The following MAP3K13 variants were observed in gnomAD, a reference collection of about 807,000 sequenced individuals.
The protein encoded by MAP3K13 is leucine zipper-bearing kinase.
In MAP3K13, 52 loss-of-function variants were observed where a neutral mutation model predicts 104.0. The ratio of observed to expected loss-of-function variants is 0.50; its 90% CI spans 0.40 to 0.63. MAP3K13 has a LOEUF of 0.63. MAP3K13 is among the 20% of genes least tolerant of loss of function. The pLI, the probability that MAP3K13 is intolerant of heterozygous loss-of-function variation, is 0.00. For missense variants in MAP3K13, 914 were observed against 1,218.5 expected (o/e 0.75, Z 3.72); for synonymous variants, 394 against 442.2 (o/e 0.89, Z 1.37).
intron 1 of MAP3K13, among the ~76,000 whole-genome samples, chr3:185,399,007 A>G (rs1031831240): frequency 2.6e-5 from 4 of 152,190 alleles, no homozygotes; most frequent in Admixed American, 2.0e-4. Flanking sequence ...AGCTAATGGG[A>G]ATATGGATTT....
intron 7 of MAP3K13, among the ~76,000 whole-genome samples, chr3:185,456,068 C>A (rs73885715): frequency 1.3e-5 from 2 of 150,138 alleles, no homozygotes; most frequent in African/African-American, 4.9e-5. Flanking sequence ...TGGAGTACTT[C>A]TGTGGTGTCT....
At chr3:185,306,918 T>C (rs1721303972) in intron 2 of MAP3K13, among the ~76,000 whole-genome samples, 1 of 152,242 alleles carries the variant, frequency 6.6e-6, no homozygotes, top group Admixed American at 6.5e-5. Flanking sequence ...GTTTGAGGTC[T>C]TATTTAAACT....
chr3:185,468,966 A>AT (rs1444575823), intron 10 of MAP3K13, among the ~76,000 whole-genome samples: 2 of 152,182 alleles, frequency 1.3e-5, no homozygotes, highest in African/African-American at 4.8e-5. Flanking sequence ...GTTTGCTTTT[A>AT]TTTTGGCTAT....
chr3:185,417,797 G>C (rs1713871949), intron 1 of MAP3K13: 1 of 1,611,924 alleles, frequency 6.2e-7, no homozygotes, highest in Non-Finnish European at 8.5e-7. Flanking sequence ...TATGGGTTTA[G>C]CTTCAACATG....
intron 1 of MAP3K13, among the ~76,000 whole-genome samples, chr3:185,283,643 T>C (rs1246016118): frequency 7.9e-5 from 12 of 152,108 alleles, no homozygotes; most frequent in Non-Finnish European, 2.9e-5. Flanking sequence ...CAGTACATTG[T>C]TGGTTTTTGT....
intron 2 of MAP3K13, 57 bp downstream of exon 2, chr3:185,429,113 A>G: frequency 6.7e-7 from 1 of 1,487,518 alleles, no homozygotes; most frequent in Non-Finnish European, 9.2e-7. Context: ...CATCACCACC[A>G]CCGTCACCAC....
At chr3:185,397,530 A>C (rs1296348234) in intron 1 of MAP3K13, among the ~76,000 whole-genome samples, 1 of 152,254 alleles carries the variant, frequency 6.6e-6, no homozygotes, top group African/African-American at 2.4e-5. Context: ...ATATTTTAGC[A>C]TAGAAAATAC....
intron 3 of MAP3K13, among the ~76,000 whole-genome samples, chr3:185,439,255 A>C (rs565331846): frequency 1.3e-5 from 2 of 152,318 alleles, no homozygotes; most frequent in Admixed American, 1.3e-4. Flanking sequence ...AGGGACATTC[A>C]TGCAGAGGGC....
Position 185,418,126 on chromosome 3 carries a change from A to T in MAP3K13, c.-85-10371A>T. 1 of 1,608,792 alleles carries T rather than the reference A, an allele frequency of 6.2e-7. No homozygotes were observed. The highest frequency in any genetic ancestry group is 1.1e-5 in the South Asian group (1 of 90,912). ...TCCAGGGATGTTTCTGAAGGCCTTG[A>T]TGATACCATTATCCTCATTATAGAT... On this transcript the variant is annotated intron_variant, in intron 1 of 13. Transcript: ENST00000265026. This position sits in a 1 kb window ranked among gnomAD's most constrained non-coding sequence, Gnocchi z 4.5.
Position 185,418,750 on chromosome 3 carries a change from A to G in MAP3K13, c.-85-9747A>G, listed in dbSNP as rs1033140056. 4.4e-6 allele frequency: 7 copies of G among 1,608,798 alleles called. No homozygotes were observed. The Admixed American group carries it at 1.0e-4, about 23-fold the overall frequency. ...AGATGACTCCCCCTTTTCGGAGTACACCGATATCATTGGGCGAGCACACGC... is the reference window on the plus strand; with the variant it reads ...AGATGACTCCCCCTTTTCGGAGTACGCCGATATCATTGGGCGAGCACACGC... On this transcript the variant is annotated intron_variant, in intron 1 of 13. Transcript: ENST00000265026. This position sits in a 1 kb window ranked among gnomAD's most constrained non-coding sequence, Gnocchi z 4.5.
At chr3:185,453,552 C>G (rs979048520) in intron 7 of MAP3K13, among the ~76,000 whole-genome samples, 1 of 151,656 alleles carries the variant, frequency 6.6e-6, no homozygotes, top group Non-Finnish European at 1.5e-5. Context: ...GGGCAGATCA[C>G]GAGGTCAAGA....
At position 185,418,518 on chromosome 3, in the gene MAP3K13, A is replaced by G. The variant is rs1577533849; in HGVS notation, c.-85-9979A>G. 2 of 1,612,124 alleles carry G rather than the reference A, an allele frequency of 1.2e-6. No homozygotes were observed. The highest frequency in any genetic ancestry group is 2.2e-5 in the East Asian group (1 of 44,880). Reference sequence around the variant, plus strand: ...ACATGTTTCCAAAAGCACCCTGGCCAGAGCGGTGAGTCCCACCACCTCGAA... The same window carrying G: ...ACATGTTTCCAAAAGCACCCTGGCCGGAGCGGTGAGTCCCACCACCTCGAA... On this transcript the variant is annotated intron_variant, in intron 1 of 13. Transcript: ENST00000265026. The surrounding 1 kb of genome is among the most constrained non-coding windows in gnomAD (Gnocchi z 4.5).
At chr3:185,309,502 C>A (rs1295537194) in intron 2 of MAP3K13, among the ~76,000 whole-genome samples, 4 of 122,560 alleles carry the variant, frequency 3.3e-5, no homozygotes, top group African/African-American at 6.3e-5. Context: ...CAAAGCGAGA[C>A]CTTGTCTCAC....
chr3:185,313,768 T>G (rs779054169), intron 2 of MAP3K13, among the ~76,000 whole-genome samples: 14 of 150,840 alleles, frequency 9.3e-5, no homozygotes, highest in Non-Finnish European at 1.8e-4. Flanking sequence ...TATTGTGAAG[T>G]TAATGATAGA....
chr3:185,380,959 G>GT lies in MAP3K13; in HGVS notation c.-86+17600dup, dbSNP rs542853065. On this transcript the variant is annotated intron_variant, in intron 1 of 13. Transcript: ENST00000265026. ...AAGAAGGTTTTTTTGTTTTTTTTTT[G>GT]TTTTTTTTTGTTTTTCTTTTTGAGA... Among the ~76,000 whole-genome samples, 639 of 113,672 alleles carry GT rather than the reference G, an allele frequency of 5.6e-3. 6 individuals are homozygous for GT. Among genetic ancestry groups the GT allele is most frequent in the East Asian group, 0.039 (173 of 4,492 alleles). 74.6% of individuals were successfully genotyped at this position (113,672 alleles called of 152,430 possible). A position where few individuals can be genotyped will look rare whatever the true frequency, so the allele number is the denominator to read the frequency against.
Position 185,473,754 on chromosome 3 carries a change from T to G in MAP3K13, c.2423T>G (p.Leu808Arg), listed in dbSNP as rs956661954. ...PPALPRKTRP[L>R]QKSGDDSSEE... The stretch of plus-strand genomic sequence containing the variant: ...GCGCTACCTCGAAAAACAAGGCCTC[T>G]GCAGAAGGTAAAGTGTAATGATGAG... The change falls in exon 11 of 14, where the codon CTG becomes CGG. Residue 808 changes from leucine (L) to arginine (R), a missense_variant. Physicochemically the swap from Leu to Arg is moderately radical, Grantham distance 102. Around this residue, in one of 3 missense-constraint regions of MAP3K13, gnomAD observed 583 missense variants for 737.4 expected, o/e 0.79. Transcript: ENST00000265026. The surrounding 1 kb of genome is among the most constrained non-coding windows in gnomAD (Gnocchi z 4.9). The G allele has an allele frequency of 6.2e-7, 1 of 1,612,258 alleles. No homozygotes were observed. Among genetic ancestry groups the G allele is most frequent in the Admixed American group, 1.7e-5 (1 of 59,812 alleles).
At chr3:185,301,179 G>A (rs1721091280) in intron 2 of MAP3K13, among the ~76,000 whole-genome samples, 1 of 151,880 alleles carries the variant, frequency 6.6e-6, no homozygotes, top group African/African-American at 2.4e-5. Flanking sequence ...ATAGGTATGA[G>A]GTGATACTAT....
At chr3:185,365,268 A>G (rs970382185) in intron 1 of MAP3K13, among the ~76,000 whole-genome samples, 2 of 152,236 alleles carry the variant, frequency 1.3e-5, no homozygotes, top group Non-Finnish European at 2.9e-5. Context: ...TAATTGTTTA[A>G]TATCAAACAA....
intron 2 of MAP3K13, among the ~76,000 whole-genome samples, chr3:185,308,009 C>CTTTTTTTTTTTTTTTTTTTTTTTT (rs33949195): frequency 1.9e-4 from 6 of 31,564 alleles, no homozygotes; most frequent in African/African-American, 2.4e-4. Context: ...TCTTTGGGGT[C>CTTTTTTTTTTTTTTTTTTTTTTTT]TTTTTTTTTT....
Sources: gnomAD v4.1 joint callset for allele counts (sites outside exome capture counted in the v4.1 genomes callset) on GRCh38, gnomAD v4.1.1 for gene constraint, gnomAD v4.1.1 regional missense constraint, Gnocchi (gnomAD v3.1) non-coding constraint, MANE v1.5 for transcripts, NCBI Gene and HGNC (gene_info 2026-07-23, HGNC 2026-07-21) for gene names.